The following RIPOR3 variants were observed in gnomAD, a reference collection of about 807,000 sequenced individuals.
RIPOR3 encodes family with sequence similarity 65 member C.
Under a neutral mutation model 114.3 loss-of-function variants are expected in RIPOR3, and 95 were observed. The ratio of observed to expected loss-of-function variants is 0.83; its 90% CI spans 0.70 to 0.99. RIPOR3 has a LOEUF of 0.99. Ranked by LOEUF, RIPOR3 falls within the 50% of genes least tolerant of loss-of-function variation. RIPOR3 has a pLI of 0.00. For synonymous variants in RIPOR3, 575 were observed against 543.8 expected (o/e 1.06, Z -0.80); for missense variants, 1,252 against 1,266.9 (o/e 0.99, Z 0.18).
intron 1 of RIPOR3, among the ~76,000 whole-genome samples, chr20:50,661,003 C>G (rs1383591759): frequency 3.3e-5 from 5 of 151,548 alleles, no homozygotes; most frequent in Non-Finnish European, 7.4e-5. Flanking sequence ...TTTGGGAGGC[C>G]GAGGTGAGTG....
chr20:50,620,277 T>C (rs2084349760), intron 2 of RIPOR3, 145 bp from the exon 3 acceptor site: 3 of 958,736 alleles, frequency 3.1e-6, no homozygotes, highest in Non-Finnish European at 4.5e-6. Context: ...CACCAAGCAG[T>C]GTGGTTTCCA....
chr20:50,667,324 C>T (rs1281162446), intron 1 of RIPOR3, among the ~76,000 whole-genome samples: 5 of 134,954 alleles, frequency 3.7e-5, no homozygotes, highest in Admixed American at 1.6e-4. Context: ...GAGGGAGTCT[C>T]GCTCTGTTAC....
chr20:50,614,013 T>G (rs1381373873), intron 4 of RIPOR3, among the ~76,000 whole-genome samples: 1 of 151,954 alleles, frequency 6.6e-6, no homozygotes, highest in Non-Finnish European at 1.5e-5. Context: ...GCCGCTTGTT[T>G]GCTTGCTTAT....
At position 50,620,065 on chromosome 20, in the gene RIPOR3, G is replaced by T. The variant is rs2084339755; in HGVS notation, c.190C>A (p.Leu64Met). The stretch of plus-strand genomic sequence containing the variant: ...TCTGCACAGACCGACCCCTTCCGCA[G>T]CGTGCCGTACATCTTGGAGGATTTT... The part of the protein sequence containing the change: ...PAKSSKMYGT[L>M]RKGSVCADPK... Residue 64 changes from leucine to methionine, a missense_variant, in exon 3 of 22, where the codon CTG (leucine) becomes ATG (methionine). Physicochemically the swap from Leu to Met is conservative, Grantham distance 15. Coordinates refer to ENST00000327979, the MANE Select transcript of RIPOR3 (RefSeq NM_001290268.2). 2 of 1,614,024 alleles carry T rather than the reference G, an allele frequency of 1.2e-6. No homozygotes were observed. The highest frequency in any genetic ancestry group is 2.7e-5 in the African/African-American group (2 of 74,918).
At chr20:50,685,551 C>T (rs547677159) in intron 1 of RIPOR3, among the ~76,000 whole-genome samples, 4 of 151,362 alleles carry the variant, frequency 2.6e-5, no homozygotes, top group Non-Finnish European at 4.4e-5. Context: ...AGGCTGGGCA[C>T]GGTGGCCCAC....
At chr20:50,650,506 G>A (rs2085562434) in intron 1 of RIPOR3, among the ~76,000 whole-genome samples, 1 of 152,114 alleles carries the variant, frequency 6.6e-6, no homozygotes. Flanking sequence ...ATTTCACCGT[G>A]TTGCTCAGAT....
In RIPOR3 at chr20:50,667,670, G is replaced by A. The variant is rs2086302951; in HGVS notation, c.3+23456C>T. 3.3e-5 allele frequency among the ~76,000 whole-genome samples: 5 copies of A among 152,316 alleles called. No homozygotes were observed. The South Asian group carries it at 8.3e-4, about 25-fold the overall frequency. On this transcript the variant is annotated intron_variant, in intron 1 of 21. Coordinates refer to ENST00000327979, the MANE Select transcript of RIPOR3 (RefSeq NM_001290268.2). ...CCTGCATAGAGAGGGGAGGGCAGGG[G>A]CCATGATACTGAACTCACAGCTCTG...
At chr20:50,615,898 T>G in intron 4 of RIPOR3, 104 bp downstream of exon 4, 3 of 1,114,266 alleles carry the variant, frequency 2.7e-6, no homozygotes, top group Non-Finnish European at 3.9e-6. Flanking sequence ...CCTCTAGTTC[T>G]GAGAAAGAGT....
intron 1 of RIPOR3, among the ~76,000 whole-genome samples, chr20:50,688,826 G>C (rs12479559): frequency 6.6e-6 from 1 of 151,964 alleles, no homozygotes; most frequent in African/African-American, 2.4e-5. Context: ...ACTAGAGACT[G>C]GTTCACAAAG....
intron 4 of RIPOR3, among the ~76,000 whole-genome samples, chr20:50,612,464 G>A (rs1349721194): frequency 1.3e-5 from 2 of 152,150 alleles, no homozygotes. Context: ...AATTTCCAGT[G>A]GAGATTAGAG....
chr20:50,647,164 A>T (rs2123370995), intron 1 of RIPOR3, among the ~76,000 whole-genome samples: 1 of 152,278 alleles, frequency 6.6e-6, no homozygotes, highest in South Asian at 2.1e-4. Context: ...TATTAAAAAT[A>T]CAAAAATTAG....
chr20:50,670,642 C>G lies in RIPOR3; in HGVS notation c.3+20484G>C, dbSNP rs74851268. ...AGCGGTGCATTCCCCTAGGCAGGCA[C>G]CACACCGTCCTGTGGAGCATTGTGT... On this transcript the variant is annotated intron_variant, in intron 1 of 21. Transcript: ENST00000327979. Among the ~76,000 whole-genome samples the G allele has an allele frequency of 2.7e-3, 416 of 152,262 alleles. 3 individuals are homozygous for G. Among genetic ancestry groups the G allele is most frequent in the African/African-American group, 9.2e-3 (383 of 41,544 alleles).
Position 50,630,772 on chromosome 20 carries a change from C to A in RIPOR3, c.88G>T (p.Ala30Ser). 1.2e-6 allele frequency: 2 copies of A among 1,612,256 alleles called. No individual in the cohort carries two copies. Among genetic ancestry groups the A allele is most frequent in the Middle Eastern group, 1.6e-4 (1 of 6,062 alleles). ...VGVVGRSASF[A>S]GFSSAQSRRI... ...CGGCTCTGTGCACTGCTGAAGCCTG[C>A]GAAGGAGGCGCTCCGGCCCACGACC... The change falls in exon 2 of 22, where the codon GCA (alanine) becomes TCA (serine). Residue 30 changes from alanine (A) to serine (S), a missense_variant. Transcript: ENST00000327979.
At chr20:50,661,702 G>T (rs1050742198) in intron 1 of RIPOR3, among the ~76,000 whole-genome samples, 21 of 152,142 alleles carry the variant, frequency 1.4e-4, no homozygotes, top group African/African-American at 2.4e-5. Context: ...TCTCTTGAAG[G>T]TCCGGACAAA....
At chr20:50,674,183 G>A (rs2086616604) in intron 1 of RIPOR3, among the ~76,000 whole-genome samples, 1 of 152,130 alleles carries the variant, frequency 6.6e-6, no homozygotes, top group Non-Finnish European at 1.5e-5. Context: ...GGGATTCCAG[G>A]ACAGAAAGTA....
At chr20:50,658,692 G>A (rs73121766) in intron 1 of RIPOR3, among the ~76,000 whole-genome samples, 9,139 of 151,714 alleles carry the variant, frequency 0.06, 307 homozygotes, top group African/African-American at 0.082. Context: ...GAAACAGAGC[G>A]AGATTCTGTC....
At chr20:50,686,031 T>C (rs775832649) in intron 1 of RIPOR3, among the ~76,000 whole-genome samples, 3 of 152,034 alleles carry the variant, frequency 2.0e-5, no homozygotes, top group Non-Finnish European at 2.9e-5. Context: ...AGTGAATGAA[T>C]GGCCTGAAAG....
chr20:50,618,436 G>A (rs1201642329), intron 3 of RIPOR3, among the ~76,000 whole-genome samples: 1 of 152,034 alleles, frequency 6.6e-6, no homozygotes, highest in African/African-American at 2.4e-5. Context: ...TCTTTCCTTT[G>A]GCTCTAGCCA....
At chr20:50,643,169 C>T (rs1443205257) in intron 1 of RIPOR3, among the ~76,000 whole-genome samples, 4 of 149,112 alleles carry the variant, frequency 2.7e-5, no homozygotes, top group Non-Finnish European at 5.9e-5. Flanking sequence ...GTCGCCCAGG[C>T]GGAAGTGCAG....
Sources: gnomAD v4.1 joint callset for allele counts (sites outside exome capture counted in the v4.1 genomes callset) on GRCh38, gnomAD v4.1.1 for gene constraint, MANE v1.5 for transcripts, NCBI Gene and HGNC (gene_info 2026-07-23, HGNC 2026-07-21) for gene names.